PTPRD: variants seen among roughly 807,000 people sequenced by gnomAD.
PTPRD encodes the protein receptor-type tyrosine-protein phosphatase delta.
PTPRD carries 34 observed loss-of-function variants against 214.5 expected under a neutral mutation model. The ratio of observed to expected loss-of-function variants is 0.16; its 90% CI spans 0.12 to 0.21. The LOEUF is 0.21. Ranked by LOEUF, PTPRD falls within the 10% of genes least tolerant of loss-of-function variation. The pLI, the probability that PTPRD is intolerant of heterozygous loss-of-function variation, is 1.00. For synonymous variants in PTPRD, 1,128 were observed against 845.7 expected (o/e 1.33, Z -5.79); for missense variants, 2,545 against 2,398.7 (o/e 1.06, Z -1.27).
At chr9:9,528,638 TAAAG>T (rs2074720515) in intron 8 of PTPRD, among the ~76,000 whole-genome samples, 1 of 151,424 alleles carries the variant, frequency 6.6e-6, no homozygotes, top group South Asian at 2.1e-4. Context: ...AAAATAAAAA[TAAAG>T]AAATCACTCC....
At chr9:9,789,935 G>A (rs1476754532) in intron 5 of PTPRD, among the ~76,000 whole-genome samples, 1 of 151,694 alleles carries the variant, frequency 6.6e-6, no homozygotes, top group Admixed American at 6.6e-5. Context: ...TTATATTCAG[G>A]TCTTCAAAAA....
At chr9:10,028,956 G>A (rs1190804773) in intron 4 of PTPRD, among the ~76,000 whole-genome samples, 2 of 152,010 alleles carry the variant, frequency 1.3e-5, no homozygotes, top group Admixed American at 6.6e-5. Context: ...CTAGGAGATG[G>A]CAGGGTGGGG....
At chr9:9,192,008 C>CTATT (rs1463146255) in intron 9 of PTPRD, among the ~76,000 whole-genome samples, 1 of 151,882 alleles carries the variant, frequency 6.6e-6, no homozygotes, top group Non-Finnish European at 1.5e-5. Flanking sequence ...ATAGCTAACC[C>CTATT]AATTCCTGTA....
At chr9:10,136,374 G>A (rs1479449783) in intron 3 of PTPRD, among the ~76,000 whole-genome samples, 3 of 151,966 alleles carry the variant, frequency 2.0e-5, no homozygotes, top group South Asian at 2.1e-4. Context: ...GACACTTGAC[G>A]AATTGTTCCT....
At position 8,839,300 on chromosome 9, in the gene PTPRD, TTTTATTTATTTA is replaced by T. The variant is rs3046017; in HGVS notation, c.-103-105366_-103-105355del. On this transcript the variant is annotated intron_variant, in intron 11 of 45. Transcript: ENST00000381196. The stretch of plus-strand genomic sequence containing the variant: ...ATAATTTTCAGATTGACCAAGGGGA[TTTTATTTATTTA>T]TTTATTTATTTATTTATTTATTTAT... 5.1e-4 allele frequency among the ~76,000 whole-genome samples: 76 copies of T among 150,430 alleles called. No individual in the cohort carries two copies. The East Asian group carries it at 5.2e-3, about 10-fold the overall frequency.
At chr9:9,225,770 A>T (rs1209460863) in intron 9 of PTPRD, among the ~76,000 whole-genome samples, 1 of 152,080 alleles carries the variant, frequency 6.6e-6, no homozygotes, top group Non-Finnish European at 1.5e-5. Flanking sequence ...GCCCAATAGA[A>T]CATAAAATAC....
chr9:10,318,788 T>C (rs2096494661), intron 3 of PTPRD, among the ~76,000 whole-genome samples: 1 of 152,034 alleles, frequency 6.6e-6, no homozygotes, highest in Admixed American at 6.6e-5. Context: ...TATTTGTCTT[T>C]AATGGGAACA....
At chr9:9,644,356 A>G (rs1177655205) in intron 7 of PTPRD, among the ~76,000 whole-genome samples, 2 of 152,202 alleles carry the variant, frequency 1.3e-5, no homozygotes, top group African/African-American at 4.8e-5. Flanking sequence ...TTAATGCAGC[A>G]GAAATCAGAT....
At chr9:9,685,039 T>G (rs935843276) in intron 7 of PTPRD, among the ~76,000 whole-genome samples, 1 of 151,498 alleles carries the variant, frequency 6.6e-6, no homozygotes, top group African/African-American at 2.4e-5. Context: ...TTATTATCTA[T>G]TTTTCAGCAT....
At chr9:8,500,633 A>C (rs2097380562) in intron 24 of PTPRD, 121 bp downstream of exon 24, 3 of 898,702 alleles carry the variant, frequency 3.3e-6, no homozygotes, top group Non-Finnish European at 4.9e-6. Context: ...AAAATACTAA[A>C]GTAACAGCAA....
intron 8 of PTPRD, among the ~76,000 whole-genome samples, chr9:9,422,727 T>C (rs2079266042): frequency 6.6e-6 from 1 of 152,076 alleles, no homozygotes; most frequent in Non-Finnish European, 1.5e-5. Context: ...TTAAGATAGC[T>C]ACGAATTGAG....
intron 6 of PTPRD, among the ~76,000 whole-genome samples, chr9:9,760,289 A>C (rs536383609): frequency 7.9e-5 from 12 of 152,278 alleles, no homozygotes; most frequent in African/African-American, 2.9e-4. Context: ...GTAGTATTTA[A>C]GGTGTATGAT....
intron 12 of PTPRD, among the ~76,000 whole-genome samples, chr9:8,722,498 GT>G (rs56191898): frequency 0.58 from 87,325 of 150,314 alleles, 26,281 homozygotes; most frequent in African/African-American, 0.77. Context: ...ACAATAAAGG[GT>G]TTTTTTTTTT....
At chr9:10,418,057 G>A (rs1251243923) in intron 2 of PTPRD, among the ~76,000 whole-genome samples, 2 of 151,596 alleles carry the variant, frequency 1.3e-5, no homozygotes, top group Non-Finnish European at 2.9e-5. Flanking sequence ...AAAGACAAAC[G>A]ATTAAGTAAT....
At chr9:8,692,544 G>T (rs1022932031) in intron 12 of PTPRD, among the ~76,000 whole-genome samples, 1 of 152,060 alleles carries the variant, frequency 6.6e-6, no homozygotes, top group African/African-American at 2.4e-5. Context: ...AATAAAGAAC[G>T]TATTAGTGAA....
intron 11 of PTPRD, among the ~76,000 whole-genome samples, chr9:8,742,035 C>T (rs1007007546): frequency 1.8e-4 from 28 of 152,142 alleles, no homozygotes; most frequent in Non-Finnish European, 3.8e-4. Flanking sequence ...TATCATGAAG[C>T]GATTATGCAC....
intron 9 of PTPRD, among the ~76,000 whole-genome samples, chr9:9,236,781 G>A (rs73388879): frequency 6.6e-6 from 1 of 151,780 alleles, no homozygotes; most frequent in African/African-American, 2.4e-5. Flanking sequence ...CCAACCATAA[G>A]GTTGGGACCC....
chr9:8,363,756 G>A (rs2079089868), intron 39 of PTPRD, among the ~76,000 whole-genome samples: 2 of 152,346 alleles, frequency 1.3e-5, no homozygotes, highest in Middle Eastern at 3.4e-3. Flanking sequence ...ACTTAGGAGA[G>A]TTTGAAGACA....
intron 9 of PTPRD, among the ~76,000 whole-genome samples, chr9:9,297,185 G>A (rs184868161): frequency 6.6e-6 from 1 of 151,652 alleles, no homozygotes; most frequent in Non-Finnish European, 1.5e-5. Context: ...TCTTGGTCTT[G>A]TATCAAAGAT....
Sources: allele counts gnomAD v4.1 joint callset (sites outside exome capture counted in the v4.1 genomes callset), GRCh38; gene constraint gnomAD v4.1.1; transcripts MANE v1.5; gene names NCBI Gene and HGNC (gene_info 2026-07-23, HGNC 2026-07-21).